KDR: variants seen among roughly 807,000 people sequenced by gnomAD.
The protein encoded by KDR is vascular endothelial growth factor receptor 2.
A neutral mutation model predicts 160.9 loss-of-function variants in KDR; 43 were observed. That is an observed-to-expected ratio of 0.27 (90% CI 0.21 to 0.34). The LOEUF (loss-of-function observed/expected upper bound fraction) is 0.34. Among genes scored for constraint, KDR ranks in the 10% least tolerant of loss-of-function variants. The probability of loss-of-function intolerance (pLI) is 1.00; values close to 1 mark genes in which losing one functional copy is unlikely to be tolerated. For missense variants in KDR, 1,469 were observed against 1,666.4 expected, an observed-to-expected ratio of 0.88 and a Z score of 2.06; for synonymous variants, 617 against 600.1, an observed-to-expected ratio of 1.03 and a Z score of -0.41.
chr4:55,092,218 C>G (rs1047707679), intron 22 of KDR: 2 of 284,902 alleles, frequency 7.0e-6, no homozygotes, highest in South Asian at 7.7e-5. Context: ...ATTCTATAAC[C>G]CTTTCTTGCT....
chr4:55,121,922 T>A (rs937013266), intron 1 of KDR, among the ~76,000 whole-genome samples: 6 of 147,676 alleles, frequency 4.1e-5, no homozygotes, highest in Non-Finnish European at 6.0e-5. Context: ...ACCCTTTTTT[T>A]AAAAAGTATA....
chr4:55,120,033 G>A (rs938611775), intron 2 of KDR, among the ~76,000 whole-genome samples: 4 of 152,120 alleles, frequency 2.6e-5, no homozygotes, highest in African/African-American at 9.7e-5. Flanking sequence ...AAATAACCTT[G>A]TTATCGAGGG....
At chr4:55,094,769 A>C (rs1390600186) in intron 21 of KDR, 33 bp downstream of exon 21, 1 of 1,600,330 alleles carries the variant, frequency 6.2e-7, no homozygotes, top group Non-Finnish European at 8.6e-7. Flanking sequence ...TGACAAGAGC[A>C]TGCCATAGCA....
intron 6 of KDR, among the ~76,000 whole-genome samples, 168 bp downstream of exon 6, chr4:55,113,958 T>G (rs1236410578): frequency 6.6e-6 from 1 of 152,154 alleles, no homozygotes; most frequent in African/African-American, 2.4e-5. Flanking sequence ...GTTCTGCAAT[T>G]CCCTTAAATT....
At chr4:55,123,874 G>T (rs1164343983) in intron 1 of KDR, among the ~76,000 whole-genome samples, 2 of 152,196 alleles carry the variant, frequency 1.3e-5, no homozygotes, top group African/African-American at 2.4e-5. Flanking sequence ...AGCAAGTAAT[G>T]CACTCCAAAA....
At chr4:55,123,918 C>G (rs1275451467) in intron 1 of KDR, among the ~76,000 whole-genome samples, 1 of 152,222 alleles carries the variant, frequency 6.6e-6, no homozygotes, top group African/African-American at 2.4e-5. Context: ...GGGCGACCGG[C>G]CTGCCGTTAC....
chr4:55,113,423 T>C lies in KDR; in HGVS notation c.857A>G (p.Lys286Arg). The C allele has an allele frequency of 6.2e-7, 1 of 1,614,038 alleles. No individual in the cohort carries two copies. Among genetic ancestry groups the C allele is most frequent in the Non-Finnish European group, 8.5e-7 (1 of 1,179,962 alleles). The change falls in exon 7 of 30, where the codon AAG (lysine) becomes AGG (arginine). Residue 286 changes from lysine to arginine, a missense_variant. Transcript: ENST00000263923. ...TATAGTTAAGGTGCTCAAAAATTTC[T>C]TCATCTCACTCCCAGACTGGGTTTT... ...DLKTQSGSEM[K>R]KFLSTLTIDG...
At position 55,080,110 on chromosome 4, in the gene KDR, T is replaced by G; in HGVS notation, c.3902A>C (p.Gln1301Pro). The change falls in exon 30 of 30, where the codon CAG (glutamine) becomes CCG (proline). Residue 1301 changes from glutamine to proline, a missense_variant. This residue lies in a region of KDR where 229 missense variants were observed against 197.8 expected (regional missense o/e 1.16). Coordinates refer to ENST00000263923, the MANE Select transcript of KDR (RefSeq NM_002253.4). Reference sequence around the variant, plus strand: ...ATATCCGGACTGGTAGCCGCTTGTCTGGTTTGAGCCTTCAGATGCCACAGA... The same window carrying G: ...ATATCCGGACTGGTAGCCGCTTGTCGGGTTTGAGCCTTCAGATGCCACAGA... Reference protein sequence around the residue: ...RESVASEGSNQTSGYQSGYHS... With the variant: ...RESVASEGSNPTSGYQSGYHS... The G allele has an allele frequency of 6.2e-7, 1 of 1,614,042 alleles. No individual in the cohort carries two copies. Among genetic ancestry groups the G allele is most frequent in the Non-Finnish European group, 8.5e-7 (1 of 1,180,040 alleles).
rs533316977 is a variant in KDR, at chr4:55,104,586, A to T, written c.1987+57T>A. ...AATCTTTGCATAGCACCTGAATTGC[A>T]CTACATTTAAGGCATTCCAACTGCC... On this transcript the variant is annotated intron_variant, in intron 13 of 29. Coordinates refer to ENST00000263923, the MANE Select transcript of KDR (RefSeq NM_002253.4). 45 of 1,330,570 alleles carry T rather than the reference A, an allele frequency of 3.4e-5. No homozygotes were observed. The African/African-American group carries it at 5.5e-4, about 16-fold the overall frequency. 82.4% of individuals were successfully genotyped at this position (1,330,570 alleles called of 1,614,324 possible).
In KDR at chr4:55,079,457, T is replaced by A. The variant is rs539753350; in HGVS notation, c.*484A>T. On this transcript the variant is annotated 3_prime_UTR_variant, in exon 30 of 30. Coordinates refer to ENST00000263923, the MANE Select transcript of KDR (RefSeq NM_002253.4). ...TAGTCTTCCTTTCTATCAATCCGAA[T>A]TCCACACTTAAGGCTTGGCTTGGGA... is the stretch of plus-strand genomic sequence containing the variant. The A allele has an allele frequency of 4.9e-5, 14 of 287,330 alleles. 1 individual carries two copies. The highest frequency in any genetic ancestry group is 8.7e-5 in the Non-Finnish European group (13 of 150,246). The allele number at this position is 287,330 out of a possible 1,614,324, so 17.8% of individuals were successfully genotyped here.
intron 4 of KDR, 45 bp from the exon 5 acceptor site, chr4:55,115,087 A>G (rs775483166): frequency 6.7e-7 from 1 of 1,497,474 alleles, no homozygotes; most frequent in Non-Finnish European, 9.3e-7. Flanking sequence ...CAGTACCAAA[A>G]ATGAGAGCCA....
chr4:55,099,960 GA>G (rs1720268739), intron 15 of KDR, among the ~76,000 whole-genome samples: 2 of 152,220 alleles, frequency 1.3e-5, no homozygotes, highest in Admixed American at 6.5e-5. Context: ...GAGGAAACTA[GA>G]AGTCAGCAAG....
In KDR at chr4:55,105,888, C is replaced by T; in HGVS notation, c.1589G>A (p.Cys530Tyr). ...TCTCCCGACTTTGTTGACCGCTTCA[C>T]ATTTGTACAAAGCTGACACATTTGC... The part of the protein sequence containing the change: ...QAANVSALYK[C>Y]EAVNKVGRGE... Residue 530 changes from cysteine to tyrosine, a missense_variant, in exon 12 of 30, where the codon TGT becomes TAT. Coordinates refer to ENST00000263923, the MANE Select transcript of KDR (RefSeq NM_002253.4). The T allele has an allele frequency of 6.2e-7, 1 of 1,613,686 alleles. No homozygotes were observed. Among genetic ancestry groups the T allele is most frequent in the Non-Finnish European group, 8.5e-7 (1 of 1,179,642 alleles).
In KDR at chr4:55,079,177, C is replaced by T. The variant is rs1210119029; in HGVS notation, c.*764G>A. 5 of 233,316 alleles carry T rather than the reference C, an allele frequency of 2.1e-5. No individual in the cohort carries two copies. Among genetic ancestry groups the T allele is most frequent in the Non-Finnish European group, 4.2e-5 (5 of 118,212 alleles). The allele number at this position is 233,316 out of a possible 1,614,324, so 14.5% of individuals were successfully genotyped here. A position where few individuals can be genotyped will look rare whatever the true frequency, so the allele number is the denominator to read the frequency against. On this transcript the variant is annotated 3_prime_UTR_variant, in exon 30 of 30. Coordinates refer to ENST00000263923, the MANE Select transcript of KDR (RefSeq NM_002253.4). The stretch of plus-strand genomic sequence containing the variant: ...CTGAATAAAGGATCAGCCTGGGAGA[C>T]AAGGAGCCAGAGCTGCATCATTTCC...
chr4:55,105,908 A>G lies in KDR; in HGVS notation c.1569T>C (p.Asn523=). ...CTTCACATTTGTACAAAGCTGACAC[A>G]TTTGCCGCTTGGATAACAAGGGTAC... The part of the protein sequence containing the change: ...TVSTLVIQAA[N]VSALYKCEAV... Residue 523 remains asparagine, a synonymous_variant, in exon 12 of 30, where the codon AAT becomes AAC. Transcript: ENST00000263923. 6.2e-7 allele frequency: 1 copy of G among 1,613,456 alleles called. No homozygotes were observed. Among genetic ancestry groups the G allele is most frequent in the Non-Finnish European group, 8.5e-7 (1 of 1,179,532 alleles).
At chr4:55,084,067 G>A (rs893976661) in intron 27 of KDR, among the ~76,000 whole-genome samples, 6 of 152,156 alleles carry the variant, frequency 3.9e-5, no homozygotes, top group South Asian at 2.1e-4. Context: ...TGTTCACCAC[G>A]GTACCTCTCT....
chr4:55,124,084 G>C (rs1049670373), intron 1 of KDR, among the ~76,000 whole-genome samples: 2 of 152,170 alleles, frequency 1.3e-5, no homozygotes, highest in Non-Finnish European at 2.9e-5. Flanking sequence ...TGGACCCGTT[G>C]AACCAAGTCA....
chr4:55,114,770 A>G (rs1214609607), intron 5 of KDR, 104 bp downstream of exon 5: 1 of 1,020,568 alleles, frequency 9.8e-7, no homozygotes, highest in Non-Finnish European at 1.5e-6. Context: ...CCATATCCTG[A>G]GTTCCTATAC....
rs142184010 is a variant in KDR at position 55,089,159 on chromosome 4, A to T, written c.3405-186T>A. On this transcript the variant is annotated intron_variant, in intron 25 of 29. Transcript: ENST00000263923. Reference sequence around the variant, plus strand: ...AATGTGTATAGAAAACATTTAAAGCAACATCTAATAAAAACTAACTGGTTG... The same window carrying T: ...AATGTGTATAGAAAACATTTAAAGCTACATCTAATAAAAACTAACTGGTTG... Among the ~76,000 whole-genome samples the T allele has an allele frequency of 2.4e-3, 369 of 152,344 alleles. 3 individuals carry two copies. Among genetic ancestry groups the T allele is most frequent in the African/African-American group, 8.2e-3 (342 of 41,582 alleles).
Sources: gnomAD v4.1 joint callset for allele counts (sites outside exome capture counted in the v4.1 genomes callset) on GRCh38, gnomAD v4.1.1 for gene constraint, gnomAD v4.1.1 regional missense constraint, MANE v1.5 for transcripts, NCBI Gene and HGNC (gene_info 2026-07-23, HGNC 2026-07-21) for gene names.